The following SLMAP variants were observed in gnomAD, a reference collection of about 807,000 sequenced individuals.
The protein encoded by SLMAP is sarcolemma associated protein, also known as sarcolemmal membrane-associated protein.
In SLMAP, 44 loss-of-function variants were observed where a neutral mutation model predicts 128.8. The ratio of observed to expected loss-of-function variants is 0.34; its 90% CI spans 0.27 to 0.44. SLMAP has a LOEUF of 0.44. Ranked by LOEUF, SLMAP falls within the 20% of genes least tolerant of loss-of-function variation. The probability of loss-of-function intolerance (pLI) is 1.00; values close to 1 mark genes in which losing one functional copy is unlikely to be tolerated. For missense variants in SLMAP, 787 were observed against 985.3 expected (o/e 0.80, Z 2.69); for synonymous variants, 327 against 348.8 (o/e 0.94, Z 0.70).
chr3:57,765,269 C>T (rs537575234), intron 2 of SLMAP, among the ~76,000 whole-genome samples: 3 of 152,234 alleles, frequency 2.0e-5, no homozygotes, highest in East Asian at 3.9e-4. Context: ...GCCAGGGGTG[C>T]ATCAGGTCTG....
rs766373137 is a variant in SLMAP at position 57,927,172 on chromosome 3, G to T, written c.*7-124G>T. The T allele has an allele frequency of 4.0e-4, 186 of 464,358 alleles. 2 individuals carry two copies. The highest frequency in any genetic ancestry group is 6.1e-4 in the Middle Eastern group (2 of 3,254). The allele number at this position is 464,358 out of a possible 1,614,324, so 28.8% of individuals were successfully genotyped here. A position where few individuals can be genotyped will look rare whatever the true frequency, so the allele number is the denominator to read the frequency against. On this transcript the variant is annotated intron_variant, in intron 24 of 24. Coordinates refer to ENST00000671191, the MANE Select transcript of SLMAP (RefSeq NM_001377540.1). ...TTTTCTTTTCAAACTTTATATTTAT[G>T]ATGCAGAAATAAGATTTTTCCAATA...
At chr3:57,762,939 G>A (rs1205537550) in intron 2 of SLMAP, among the ~76,000 whole-genome samples, 4 of 152,070 alleles carry the variant, frequency 2.6e-5, no homozygotes, top group Non-Finnish European at 5.9e-5. Context: ...GGCCACGCTG[G>A]TCATGAACTC....
intron 17 of SLMAP, among the ~76,000 whole-genome samples, chr3:57,902,864 T>A (rs554492826): frequency 6.6e-6 from 1 of 152,340 alleles, no homozygotes; most frequent in Admixed American, 6.5e-5. Context: ...AGCATAATTA[T>A]CGTCAAAAGT....
intron 14 of SLMAP, among the ~76,000 whole-genome samples, chr3:57,872,748 C>G (rs1199648681): frequency 6.6e-6 from 1 of 152,160 alleles, no homozygotes; most frequent in Non-Finnish European, 1.5e-5. Flanking sequence ...AAATCTGTAA[C>G]AATTGCAAGG....
intron 2 of SLMAP, among the ~76,000 whole-genome samples, chr3:57,773,245 A>G (rs1368291812): frequency 1.3e-5 from 2 of 152,222 alleles, no homozygotes; most frequent in African/African-American, 4.8e-5. Flanking sequence ...TAAATGACAG[A>G]GTTGAACCTC....
chr3:57,794,893 G>T (rs1439716543), intron 2 of SLMAP, among the ~76,000 whole-genome samples: 2 of 152,182 alleles, frequency 1.3e-5, no homozygotes, highest in African/African-American at 2.4e-5. Context: ...GAAAGTTTGT[G>T]TACAAGCTTT....
At position 57,814,292 on chromosome 3, in the gene SLMAP, C is replaced by T. The variant is rs182624202; in HGVS notation, c.199-17091C>T. Among the ~76,000 whole-genome samples the T allele has an allele frequency of 1.4e-4, 21 of 152,020 alleles. No individual in the cohort carries two copies. In the East Asian group the frequency reaches 2.7e-3, roughly 20 times the overall value. On this transcript the variant is annotated intron_variant, in intron 2 of 24. Transcript: ENST00000671191. ...GCAGCTTCAATCACCTGGGCTCAAG[C>T]GGTCCTCATGCCTCATTTTTTGATT... is the stretch of plus-strand genomic sequence containing the variant.
chr3:57,918,738 T>G (rs1002590973), intron 22 of SLMAP, among the ~76,000 whole-genome samples: 2 of 152,252 alleles, frequency 1.3e-5, no homozygotes, highest in Non-Finnish European at 2.9e-5. Flanking sequence ...TGCACATATA[T>G]TCCCCTTCAG....
chr3:57,827,834 GAGA>G (rs144296781), intron 2 of SLMAP, among the ~76,000 whole-genome samples: 2,576 of 152,298 alleles, frequency 0.017, 66 homozygotes, highest in African/African-American at 0.059. Context: ...CAGCATAGAG[GAGA>G]AGGATATTTC....
At chr3:57,813,587 T>C (rs548982713) in intron 2 of SLMAP, among the ~76,000 whole-genome samples, 1 of 152,252 alleles carries the variant, frequency 6.6e-6, no homozygotes, top group East Asian at 1.9e-4. Context: ...ATGTACAGAA[T>C]TTTATTTTTG....
At chr3:57,857,670 G>T in intron 6 of SLMAP, 63 bp from the exon 7 acceptor site, 1 of 1,055,026 alleles carries the variant, frequency 9.5e-7, no homozygotes, top group South Asian at 1.3e-5. Context: ...GCTGAAAATT[G>T]ATCACTCCTC....
chr3:57,916,875 G>T lies in SLMAP; in HGVS notation c.2139-31G>T. ...CCTTCTGTGTCCAGTTTCTACCTGT[G>T]AATAACTATCTGTCAATATTTATAT... On this transcript the variant is annotated intron_variant, in intron 21 of 24. Coordinates refer to ENST00000671191, the MANE Select transcript of SLMAP (RefSeq NM_001377540.1). 3 of 1,589,098 alleles carry T rather than the reference G, an allele frequency of 1.9e-6. No homozygotes were observed. In the South Asian group the frequency reaches 3.3e-5, roughly 18 times the overall value.
chr3:57,863,769 C>G (rs1338571347), intron 10 of SLMAP, among the ~76,000 whole-genome samples: 2 of 152,180 alleles, frequency 1.3e-5, no homozygotes, highest in Admixed American at 1.3e-4. Flanking sequence ...CACTGAGGAT[C>G]AAATTTCAAC....
chr3:57,917,117 C>T, intron 22 of SLMAP, 40 bp downstream of exon 22: 2 of 1,612,056 alleles, frequency 1.2e-6, no homozygotes, highest in Non-Finnish European at 1.7e-6. Flanking sequence ...TATGGTTGGA[C>T]TTAAAGCCAA....
Position 57,874,613 on chromosome 3 carries a change from A to G in SLMAP, c.1300+2915A>G, listed in dbSNP as rs1335270832. Among the ~76,000 whole-genome samples the G allele has an allele frequency of 3.3e-5, 5 of 151,920 alleles. No individual in the cohort carries two copies. In the East Asian group the frequency reaches 9.7e-4, roughly 29 times the overall value. ...GGTGGCTCACGCCTGTAATCCCAAC[A>G]CTTTGGGAGGCCGAGACTGGTGGAT... On this transcript the variant is annotated intron_variant, in intron 14 of 24. Transcript: ENST00000671191.
chr3:57,844,432 A>G (rs932120496), intron 4 of SLMAP, among the ~76,000 whole-genome samples: 6 of 152,066 alleles, frequency 3.9e-5, no homozygotes, highest in African/African-American at 1.2e-4. Context: ...AAAAAATTGC[A>G]TATAATCCCA....
At chr3:57,896,779 G>T in intron 16 of SLMAP, 94 bp from the exon 17 acceptor site, 1 of 1,424,324 alleles carries the variant, frequency 7.0e-7, no homozygotes, top group South Asian at 1.4e-5. Context: ...TATAATAGCT[G>T]TATCAATTCC....
At chr3:57,768,607 A>G (rs1171706811) in intron 2 of SLMAP, among the ~76,000 whole-genome samples, 1 of 152,162 alleles carries the variant, frequency 6.6e-6, no homozygotes, top group Admixed American at 6.5e-5. Flanking sequence ...GCTGAGGGTA[A>G]TTAGGAATGT....
chr3:57,813,234 T>TA (rs2091309458), intron 2 of SLMAP, among the ~76,000 whole-genome samples: 1 of 152,076 alleles, frequency 6.6e-6, no homozygotes, highest in Admixed American at 6.5e-5. Context: ...CAGCTGGGAT[T>TA]ACAGGCATGC....
Sources: gnomAD v4.1 joint callset for allele counts (sites outside exome capture counted in the v4.1 genomes callset) on GRCh38, gnomAD v4.1.1 for gene constraint, MANE v1.5 for transcripts, NCBI Gene and HGNC (gene_info 2026-07-23, HGNC 2026-07-21) for gene names.